Variants in ITGAM observed in about 807,000 individuals in gnomAD.
The protein encoded by ITGAM is integrin alpha-M.
In ITGAM, 79 loss-of-function variants were observed where a neutral mutation model predicts 137.5. The ratio of observed to expected loss-of-function variants is 0.57; its 90% CI spans 0.48 to 0.69. The LOEUF (loss-of-function observed/expected upper bound fraction) is 0.69. ITGAM is among the 30% of genes least tolerant of loss of function. The pLI is 0.00. For missense variants in ITGAM, 1,343 were observed against 1,483.5 expected (o/e 0.91, Z 1.56); for synonymous variants, 583 against 592.3 (o/e 0.98, Z 0.23).
intron 5 of ITGAM, among the ~76,000 whole-genome samples, chr16:31,267,529 A>G (rs757682511): frequency 2.0e-5 from 3 of 151,580 alleles, no homozygotes; most frequent in Non-Finnish European, 2.9e-5. Context: ...TAATGACAGC[A>G]CTCCTGGCAG....
At chr16:31,312,458 G>T (rs373169470) in intron 14 of ITGAM, among the ~76,000 whole-genome samples, 1 of 152,084 alleles carries the variant, frequency 6.6e-6, no homozygotes, top group Admixed American at 6.6e-5. Flanking sequence ...ACAGGGTCTT[G>T]GTCTGTCATG....
rs938598180 is a variant in ITGAM, at chr16:31,321,324, A to G, written c.1791A>G (p.Gly597=). ...GGGGCCAGGACCTCACAATGGATGGACTGGTAGACCTGACTGTAGGAGCCC... is the reference window on the plus strand; with the variant it reads ...GGGGCCAGGACCTCACAATGGATGGGCTGGTAGACCTGACTGTAGGAGCCC... ...LSGGQDLTMD[G]LVDLTVGAQG... The change falls in exon 15 of 30, where the codon GGA becomes GGG. Residue 597 remains glycine, a synonymous_variant. Transcript: ENST00000544665. 5.0e-6 allele frequency: 8 copies of G among 1,613,840 alleles called. No individual in the cohort carries two copies. The highest frequency in any genetic ancestry group is 6.8e-6 in the Non-Finnish European group (8 of 1,179,870).
intron 12 of ITGAM, among the ~76,000 whole-genome samples, chr16:31,280,675 G>A (rs13331557): frequency 0.17 from 26,535 of 151,992 alleles, 2,897 homozygotes; most frequent in African/African-American, 0.3. Flanking sequence ...CAATCATGTC[G>A]TCTGCAAACA....
intron 7 of ITGAM, among the ~76,000 whole-genome samples, chr16:31,272,444 TA>T (rs1567250179): frequency 1.8e-4 from 2 of 11,260 alleles, no homozygotes; most frequent in African/African-American, 7.1e-4. Context: ...TATATATATA[TA>T]TATATATATA....
chr16:31,303,629 T>TCC (rs2080237704), intron 14 of ITGAM, among the ~76,000 whole-genome samples: 2 of 152,172 alleles, frequency 1.3e-5, no homozygotes, highest in East Asian at 3.9e-4. Flanking sequence ...CCCCAAGTCC[T>TCC]CAAAGTCCGT....
chr16:31,300,676 C>A (rs59932244), intron 14 of ITGAM, among the ~76,000 whole-genome samples: 1 of 152,118 alleles, frequency 6.6e-6, no homozygotes, highest in Non-Finnish European at 1.5e-5. Context: ...ATTGGGAAGC[C>A]GAGGCGGGTG....
chr16:31,312,621 G>T (rs1229768703), intron 14 of ITGAM, among the ~76,000 whole-genome samples: 1 of 152,038 alleles, frequency 6.6e-6, no homozygotes, highest in Non-Finnish European at 1.5e-5. Context: ...CAGTGACAGG[G>T]TCTGTCTATG....
At chr16:31,295,737 C>T (rs1490622286) in intron 12 of ITGAM, among the ~76,000 whole-genome samples, 2 of 151,484 alleles carry the variant, frequency 1.3e-5, no homozygotes, top group Admixed American at 6.6e-5. Context: ...TTGCTGTGAC[C>T]AGGACTTCCA....
At chr16:31,289,648 C>T (rs531178075) in intron 12 of ITGAM, among the ~76,000 whole-genome samples, 4 of 152,070 alleles carry the variant, frequency 2.6e-5, no homozygotes, top group Non-Finnish European at 4.4e-5. Context: ...GGAGATATAC[C>T]TAATGTAAAT....
chr16:31,290,098 A>G (rs1050120578), intron 12 of ITGAM, among the ~76,000 whole-genome samples: 5 of 151,738 alleles, frequency 3.3e-5, no homozygotes, highest in African/African-American at 1.2e-4. Flanking sequence ...AAAAAAAAAA[A>G]AAAGAAATAC....
intron 23 of ITGAM, chr16:31,328,862 CTA>C: frequency 5.4e-6 from 2 of 373,516 alleles, no homozygotes; most frequent in East Asian, 6.2e-5. Flanking sequence ...GTGTGAGGGT[CTA>C]TGTGCATGTA....
intron 12 of ITGAM, among the ~76,000 whole-genome samples, chr16:31,287,019 C>G (rs2080036009): frequency 6.6e-6 from 1 of 152,076 alleles, no homozygotes; most frequent in Non-Finnish European, 1.5e-5. Flanking sequence ...AGTCTTTAAT[C>G]ACATTTAAAT....
intron 12 of ITGAM, among the ~76,000 whole-genome samples, chr16:31,294,960 C>T (rs2080119231): frequency 6.6e-6 from 1 of 152,176 alleles, no homozygotes; most frequent in Non-Finnish European, 1.5e-5. Context: ...GTTCTCCCCA[C>T]ACCATTTGTT....
chr16:31,324,847 C>T lies in ITGAM; in HGVS notation c.2289+65C>T. 6.4e-7 allele frequency: 1 copy of T among 1,555,860 alleles called. No individual in the cohort carries two copies. Among genetic ancestry groups the T allele is most frequent in the Non-Finnish European group, 8.7e-7 (1 of 1,151,322 alleles). The stretch of plus-strand genomic sequence containing the variant: ...ACCAGAGACCAAGGTGGTTGAAACT[C>T]ATTTTATTTGATTGCATCTAATTTT... On this transcript the variant is annotated intron_variant, in intron 18 of 29. Coordinates refer to ENST00000544665, the MANE Select transcript of ITGAM (RefSeq NM_000632.4). This position sits in a 1 kb window ranked among gnomAD's most constrained non-coding sequence, Gnocchi z 4.5.
intron 2 of ITGAM, among the ~76,000 whole-genome samples, chr16:31,263,239 C>T (rs937234224): frequency 2.0e-5 from 3 of 152,236 alleles, no homozygotes; most frequent in East Asian, 1.9e-4. Context: ...CCGTGCCTGG[C>T]TTGTAATCTC....
At chr16:31,330,658 G>A (rs915919415) in intron 28 of ITGAM, 53 bp downstream of exon 28, 11 of 1,286,288 alleles carry the variant, frequency 8.6e-6, no homozygotes, top group Non-Finnish European at 1.2e-5. Flanking sequence ...CTGCGCTTGT[G>A]GAGATTTCTG....
Position 31,297,620 on chromosome 16 carries a change from G to A in ITGAM, c.1463G>A (p.Gly488Glu). The change falls in exon 13 of 30, where the codon GGG (glycine) becomes GAG (glutamate). Residue 488 changes from glycine (G) to glutamate (E), a missense_variant. By Grantham distance (98) the Gly-to-Glu change is moderately conservative (BLOSUM62 -2). Transcript: ENST00000544665. ...CCCCATTACTACGAGCAGACCCGAGGGGGCCAGGTGTCCGTGTGCCCCTTG... is the reference window on the plus strand; with the variant it reads ...CCCCATTACTACGAGCAGACCCGAGAGGGCCAGGTGTCCGTGTGCCCCTTG... ...GAPHYYEQTR[G>E]GQVSVCPLPR... is the part of the protein sequence containing the mutation. 17 of 1,613,410 alleles carry A rather than the reference G, an allele frequency of 1.1e-5. No individual in the cohort carries two copies. The highest frequency in any genetic ancestry group is 1.4e-5 in the Non-Finnish European group (17 of 1,179,936).
intron 12 of ITGAM, among the ~76,000 whole-genome samples, chr16:31,286,609 T>A (rs1403280377): frequency 1.3e-5 from 2 of 152,196 alleles, no homozygotes; most frequent in African/African-American, 4.8e-5. Flanking sequence ...GATAATGAAC[T>A]TTCTTTTTCA....
At chr16:31,289,473 G>A (rs2080063704) in intron 12 of ITGAM, among the ~76,000 whole-genome samples, 1 of 152,130 alleles carries the variant, frequency 6.6e-6, no homozygotes, top group African/African-American at 2.4e-5. Context: ...GATGAAGCTG[G>A]AAACCATCAT....
Sources: allele counts gnomAD v4.1 joint callset (sites outside exome capture counted in the v4.1 genomes callset), GRCh38; gene constraint gnomAD v4.1.1; non-coding constraint Gnocchi (gnomAD v3.1); transcripts MANE v1.5; gene names NCBI Gene and HGNC (gene_info 2026-07-23, HGNC 2026-07-21).